Variants in PCDHA7 observed in about 807,000 individuals in gnomAD.
The protein encoded by PCDHA7 is protocadherin alpha 7, also known as protocadherin alpha-7.
PCDHA7 carries 37 observed loss-of-function variants against 57.2 expected under a neutral mutation model. The ratio of observed to expected loss-of-function variants is 0.65; its 90% CI spans 0.50 to 0.85. PCDHA7 has a LOEUF of 0.85. Ranked by LOEUF, PCDHA7 falls within the 40% of genes least tolerant of loss-of-function variation. The pLI is 0.00. For missense variants in PCDHA7, 1,188 were observed against 1,241.8 expected, an observed-to-expected ratio of 0.96 and a Z score of 0.65; for synonymous variants, 553 against 558.8, an observed-to-expected ratio of 0.99 and a Z score of 0.15.
rs2150530926 is a variant in PCDHA7 at position 140,853,336 on chromosome 5, A to G, written c.2355+16598A>G. The G allele has an allele frequency of 4.1e-5, 40 of 984,520 alleles. 4 individuals carry two copies. The highest frequency in any genetic ancestry group is 4.9e-5 in the Non-Finnish European group (40 of 817,056). 61.0% of individuals were successfully genotyped at this position (984,520 alleles called of 1,614,324 possible). A position where few individuals can be genotyped will look rare whatever the true frequency, so the allele number is the denominator to read the frequency against. On this transcript the variant is annotated intron_variant, in intron 1 of 3. Transcript: ENST00000525929. ...AGTAATAAATTTATCTTTTGAGGTC[A>G]TTAGCAAACATGAACTCACAGGGAT...
chr5:140,974,394 A>G (rs1554236015), intron 1 of PCDHA7, among the ~76,000 whole-genome samples: 1 of 152,212 alleles, frequency 6.6e-6, no homozygotes, highest in Non-Finnish European at 1.5e-5. Context: ...CCCATTAGGT[A>G]TGTTCTAAAG....
chr5:140,869,476 G>C (rs530490517), intron 1 of PCDHA7: 71 of 1,614,076 alleles, frequency 4.4e-5, no homozygotes, highest in Non-Finnish European at 5.9e-5. Context: ...GGAGGTGAAG[G>C]ACATTAACGA....
At chr5:140,958,921 G>A (rs269549) in intron 1 of PCDHA7, among the ~76,000 whole-genome samples, 34,177 of 150,822 alleles carry the variant, frequency 0.23, 4,980 homozygotes, top group African/African-American at 0.42. Context: ...GCCTGGGTGT[G>A]GTGGCTCATA....
chr5:140,883,071 A>T, intron 1 of PCDHA7: 1 of 1,614,116 alleles, frequency 6.2e-7, no homozygotes, highest in Non-Finnish European at 8.5e-7. Context: ...AATGCCACAG[A>T]TCCTGATGAT....
rs2150412128 is a variant in PCDHA7 at position 140,848,533 on chromosome 5, C to T, written c.2355+11795C>T. 6.3e-6 allele frequency: 10 copies of T among 1,594,958 alleles called. No homozygotes were observed. In the East Asian group the frequency reaches 1.8e-4, roughly 28 times the overall value. On this transcript the variant is annotated intron_variant, in intron 1 of 3. Transcript: ENST00000525929. ...AGTCGAGGAGATCCAGAGGGTCAGC[C>T]TCTACTGCTCTCGCTTCTGATCCTC...
intron 1 of PCDHA7, among the ~76,000 whole-genome samples, chr5:140,975,953 T>A (rs1554237158): frequency 6.6e-6 from 1 of 152,084 alleles, no homozygotes; most frequent in Non-Finnish European, 1.5e-5. Context: ...CATATTAGAG[T>A]TCTTCACCAA....
At chr5:140,968,228 C>T in intron 1 of PCDHA7, 1 of 1,614,010 alleles carries the variant, frequency 6.2e-7, no homozygotes, top group East Asian at 2.2e-5. Flanking sequence ...AGGTGTGTTG[C>T]TCTGTACTGT....
Position 140,834,485 on chromosome 5 carries a change from G to T in PCDHA7, c.102G>T (p.Ser34=), listed in dbSNP as rs2150219471. 1.9e-6 allele frequency: 3 copies of T among 1,614,120 alleles called. No homozygotes were observed. The change falls in exon 1 of 4, where the codon TCG becomes TCT. Residue 34 remains serine (S), a synonymous_variant. Coordinates refer to ENST00000525929, the MANE Select transcript of PCDHA7 (RefSeq NM_018910.3). Reference sequence around the variant, plus strand: ...CAGGGAGAGGCCAGCTCCACTACTCGGTCCCCGAGGAGGCTAAACATGGCA... The same window carrying T: ...CAGGGAGAGGCCAGCTCCACTACTCTGTCCCCGAGGAGGCTAAACATGGCA... ...WEAGRGQLHY[S]VPEEAKHGNF...
At chr5:140,980,307 TA>T (rs1554241617) in intron 2 of PCDHA7, among the ~76,000 whole-genome samples, 2 of 152,140 alleles carry the variant, frequency 1.3e-5, no homozygotes, top group African/African-American at 4.8e-5. Context: ...AGTTGTGCCT[TA>T]AAAACTACAT....
At position 140,868,867 on chromosome 5, in the gene PCDHA7, G is replaced by A. The variant is rs532271305; in HGVS notation, c.2355+32129G>A. ...GAAATTCTGTGGTGGTAAATGCAGT[G>A]CACAGTACTCACAGTTTTAGGCGCA... On this transcript the variant is annotated intron_variant, in intron 1 of 3. Coordinates refer to ENST00000525929, the MANE Select transcript of PCDHA7 (RefSeq NM_018910.3). The A allele has an allele frequency of 2.8e-4, 173 of 611,220 alleles. 1 individual carries two copies. In the South Asian group the frequency reaches 3.9e-3, roughly 14 times the overall value. 37.9% of individuals were successfully genotyped at this position (611,220 alleles called of 1,614,324 possible).
chr5:140,905,880 A>C (rs1485985374), intron 1 of PCDHA7, among the ~76,000 whole-genome samples: 1 of 152,172 alleles, frequency 6.6e-6, no homozygotes, highest in Non-Finnish European at 1.5e-5. Context: ...AGGCCCAACA[A>C]TAGGCCATCT....
chr5:140,849,672 G>A, intron 1 of PCDHA7: 1 of 1,598,650 alleles, frequency 6.3e-7, no homozygotes, highest in Non-Finnish European at 8.6e-7. Flanking sequence ...GACGCCCCAC[G>A]TCCCCTTCAA....
chr5:140,935,318 T>A (rs1554210460), intron 1 of PCDHA7, among the ~76,000 whole-genome samples: 1 of 152,194 alleles, frequency 6.6e-6, no homozygotes, highest in African/African-American at 2.4e-5. Flanking sequence ...TTCATCAATC[T>A]TACATTCCTA....
intron 1 of PCDHA7, among the ~76,000 whole-genome samples, chr5:140,936,458 G>A (rs963270336): frequency 2.6e-5 from 4 of 152,046 alleles, no homozygotes; most frequent in Non-Finnish European, 4.4e-5. Flanking sequence ...TCTGTTTAGT[G>A]GTTGCTGTAG....
At chr5:140,875,561 A>G in intron 1 of PCDHA7, 1 of 1,614,128 alleles carries the variant, frequency 6.2e-7, no homozygotes, top group Non-Finnish European at 8.5e-7. Flanking sequence ...GGGAGCGGCC[A>G]GCTCCACTAC....
chr5:140,966,854 C>T (rs1554228784), intron 1 of PCDHA7: 2 of 1,573,744 alleles, frequency 1.3e-6, no homozygotes, highest in Admixed American at 1.8e-5. Context: ...GCCTCTCCTG[C>T]TGCTGTTGCT....
chr5:140,841,745 G>C, intron 1 of PCDHA7: 1 of 1,613,898 alleles, frequency 6.2e-7, no homozygotes, highest in Non-Finnish European at 8.5e-7. Flanking sequence ...AAAGCTGTTT[G>C]TTTCAGAATC....
intron 1 of PCDHA7, among the ~76,000 whole-genome samples, chr5:140,926,128 C>CGCAGCAGGATCCAGCGCGGAAAGCTCT (rs1157627097): frequency 6.6e-6 from 1 of 152,162 alleles, no homozygotes; most frequent in Non-Finnish European, 1.5e-5. Context: ...GACTTCAACC[C>CGCAGCAGGATCCAGCGCGGAAAGCTCT]GCAGCAGGAT....
intron 1 of PCDHA7, among the ~76,000 whole-genome samples, chr5:140,912,495 GC>G (rs2075942069): frequency 6.6e-6 from 1 of 152,084 alleles, no homozygotes. Context: ...AGATCTAGGA[GC>G]TTTTTGGATG....
Sources: gnomAD v4.1 joint callset for allele counts (sites outside exome capture counted in the v4.1 genomes callset) on GRCh38, gnomAD v4.1.1 for gene constraint, MANE v1.5 for transcripts, NCBI Gene and HGNC (gene_info 2026-07-23, HGNC 2026-07-21) for gene names.